The following PXDNL variants were observed in gnomAD, a reference collection of about 807,000 sequenced individuals.
The protein encoded by PXDNL is probable oxidoreductase PXDNL.
Under a neutral mutation model 150.8 loss-of-function variants are expected in PXDNL, and 145 were observed. The observed-to-expected ratio is 0.96, with a 90% CI of 0.84 to 1.10. The LOEUF is 1.10. Among genes scored for constraint, PXDNL ranks in the 50% least tolerant of loss-of-function variants. The probability of loss-of-function intolerance (pLI) is 0.00; values close to 1 mark genes in which losing one functional copy is unlikely to be tolerated. For missense variants in PXDNL, 2,087 were observed against 1,873.9 expected, an observed-to-expected ratio of 1.11 and a Z score of -2.10; for synonymous variants, 757 against 725.7, an observed-to-expected ratio of 1.04 and a Z score of -0.69.
intron 1 of PXDNL, among the ~76,000 whole-genome samples, chr8:51,677,699 T>C (rs1815653769): frequency 6.6e-6 from 1 of 152,218 alleles, no homozygotes; most frequent in African/African-American, 2.4e-5. Flanking sequence ...AAACATAATG[T>C]AGAATGGTGG....
chr8:51,332,222 G>C (rs1274723979), intron 21 of PXDNL, among the ~76,000 whole-genome samples: 2 of 149,270 alleles, frequency 1.3e-5, no homozygotes, highest in Non-Finnish European at 3.0e-5. Context: ...ACCCAGAAGA[G>C]AGACAACAAT....
At chr8:51,446,504 A>T (rs1809681207) in intron 12 of PXDNL, among the ~76,000 whole-genome samples, 1 of 152,156 alleles carries the variant, frequency 6.6e-6, no homozygotes, top group East Asian at 1.9e-4. Flanking sequence ...TTTATATATC[A>T]GTTGACAATA....
chr8:51,720,915 G>A (rs1229517810), intron 1 of PXDNL, among the ~76,000 whole-genome samples: 1 of 152,238 alleles, frequency 6.6e-6, no homozygotes, highest in Non-Finnish European at 1.5e-5. Context: ...AACTCCACAG[G>A]CTGACACAGA....
intron 3 of PXDNL, among the ~76,000 whole-genome samples, chr8:51,585,151 AGT>A (rs1813295829): frequency 1.3e-5 from 2 of 152,154 alleles, no homozygotes; most frequent in African/African-American, 4.8e-5. Flanking sequence ...GAAAGTAAGG[AGT>A]GCGTTTGAAG....
At chr8:51,405,036 G>A (rs895144691) in intron 17 of PXDNL, among the ~76,000 whole-genome samples, 1 of 152,204 alleles carries the variant, frequency 6.6e-6, no homozygotes, top group African/African-American at 2.4e-5. Flanking sequence ...ACCCTCCGCA[G>A]CTGCTGGCCC....
At chr8:51,492,651 G>A (rs530293891) in intron 5 of PXDNL, among the ~76,000 whole-genome samples, 22 of 152,296 alleles carry the variant, frequency 1.4e-4, no homozygotes, top group African/African-American at 3.4e-4. Context: ...CACCTGGCTC[G>A]GAGGGTCCTA....
chr8:51,481,368 G>T lies in PXDNL; in HGVS notation c.524+2275C>A, dbSNP rs545662042. 8.5e-5 allele frequency among the ~76,000 whole-genome samples: 13 copies of T among 152,310 alleles called. 1 individual carries two copies. Among genetic ancestry groups the T allele is most frequent in the African/African-American group, 3.1e-4 (13 of 41,568 alleles). On this transcript the variant is annotated intron_variant, in intron 6 of 22. Coordinates refer to ENST00000356297, the MANE Select transcript of PXDNL (RefSeq NM_144651.5). Reference sequence around the variant, plus strand: ...AGATGATTTCAGGTATCTGGTAGAAGAAATTTCTAGTTAGCAAAGAATTCA... The same window carrying T: ...AGATGATTTCAGGTATCTGGTAGAATAAATTTCTAGTTAGCAAAGAATTCA...
chr8:51,574,286 G>A (rs182660227), intron 3 of PXDNL, among the ~76,000 whole-genome samples: 8 of 152,128 alleles, frequency 5.3e-5, no homozygotes, highest in African/African-American at 1.9e-4. Flanking sequence ...AAAACTCAAT[G>A]TATGGGTCAG....
At chr8:51,323,591 A>G (rs1273550965) in intron 21 of PXDNL, among the ~76,000 whole-genome samples, 1 of 152,102 alleles carries the variant, frequency 6.6e-6, no homozygotes, top group Non-Finnish European at 1.5e-5. Flanking sequence ...ACCCTGCTCT[A>G]AGAAGGGAAA....
chr8:51,331,233 G>T (rs1805677326), intron 21 of PXDNL, among the ~76,000 whole-genome samples: 1 of 152,144 alleles, frequency 6.6e-6, no homozygotes, highest in African/African-American at 2.4e-5. Context: ...GTCTGTTTGT[G>T]GGAGATGTTC....
chr8:51,785,748 C>G (rs1050395005), intron 1 of PXDNL, among the ~76,000 whole-genome samples: 6 of 152,198 alleles, frequency 3.9e-5, no homozygotes, highest in African/African-American at 1.4e-4. Context: ...CCTTGGGCCT[C>G]CCAATTCCCT....
intron 1 of PXDNL, among the ~76,000 whole-genome samples, chr8:51,691,238 C>T (rs1294435937): frequency 6.6e-6 from 1 of 152,046 alleles, no homozygotes; most frequent in Non-Finnish European, 1.5e-5. Flanking sequence ...ACATGAAGTC[C>T]TTGCCCATGC....
intron 8 of PXDNL, among the ~76,000 whole-genome samples, chr8:51,468,734 T>C (rs978247193): frequency 6.6e-6 from 1 of 152,114 alleles, no homozygotes; most frequent in South Asian, 2.1e-4. Context: ...TCTTTCTATT[T>C]GTTAATATTC....
At chr8:51,414,325 C>T (rs1808735831) in intron 14 of PXDNL, among the ~76,000 whole-genome samples, 1 of 151,366 alleles carries the variant, frequency 6.6e-6, no homozygotes, top group Non-Finnish European at 1.5e-5. Context: ...AGGAAAATTC[C>T]TGTATATTAT....
intron 17 of PXDNL, among the ~76,000 whole-genome samples, chr8:51,404,622 G>A (rs1342820539): frequency 3.3e-5 from 5 of 151,898 alleles, no homozygotes; most frequent in Admixed American, 6.5e-5. Context: ...CAAACCTTGC[G>A]CTAGACACAG....
chr8:51,425,786 C>T (rs1809082260), intron 13 of PXDNL, among the ~76,000 whole-genome samples: 1 of 151,544 alleles, frequency 6.6e-6, no homozygotes, highest in Admixed American at 6.6e-5. Context: ...CGCGCCACTG[C>T]ACTCCAGCCT....
intron 21 of PXDNL, among the ~76,000 whole-genome samples, chr8:51,333,457 G>A (rs901005243): frequency 2.0e-5 from 3 of 152,072 alleles, no homozygotes; most frequent in Non-Finnish European, 2.9e-5. Context: ...AAAGTATGCA[G>A]GCAACAAAGA....
At chr8:51,413,346 G>T (rs1031843617) in intron 14 of PXDNL, 88 bp from the exon 15 acceptor site, 2 of 737,952 alleles carry the variant, frequency 2.7e-6, no homozygotes, top group Admixed American at 2.5e-5. Context: ...ATTTTTAAAT[G>T]TAATGCCATT....
intron 2 of PXDNL, among the ~76,000 whole-genome samples, chr8:51,601,538 C>T (rs907899507): frequency 6.6e-6 from 1 of 151,936 alleles, no homozygotes; most frequent in Admixed American, 6.6e-5. Context: ...ATAAGAATAG[C>T]AACTCCTGCT....
Sources: gnomAD v4.1 joint callset for allele counts (sites outside exome capture counted in the v4.1 genomes callset) on GRCh38, gnomAD v4.1.1 for gene constraint, MANE v1.5 for transcripts, NCBI Gene and HGNC (gene_info 2026-07-23, HGNC 2026-07-21) for gene names.